IFT22: variants seen among roughly 807,000 people sequenced by gnomAD.
The protein encoded by IFT22 is intraflagellar transport protein 22 homolog.
A neutral mutation model predicts 21.0 loss-of-function variants in IFT22; 13 were observed. The observed-to-expected ratio is 0.62, with a 90% CI of 0.40 to 0.98. IFT22 has a LOEUF of 0.98. IFT22 is among the 50% of genes least tolerant of loss of function. The pLI is 0.00. For synonymous variants in IFT22, 67 were observed against 82.4 expected (o/e 0.81, Z 1.01); for missense variants, 227 against 228.9 (o/e 0.99, Z 0.06).
Position 101,313,741 on chromosome 7 carries a change from C to CA in IFT22, c.*1392dup, listed in dbSNP as rs2116912891. ...TAGTGAGTAGGCAAATTCTCAAATA[C>CA]AAAATCTATGAATAAGGATCAAGTA... On this transcript the variant is annotated 3_prime_UTR_variant, in exon 5 of 5. Coordinates refer to ENST00000315322, the MANE Select transcript of IFT22 (RefSeq NM_022777.4). 6.6e-6 allele frequency: 1 copy of CA among 152,314 alleles called. No individual in the cohort carries two copies. The highest frequency in any genetic ancestry group is 1.9e-4 in the East Asian group (1 of 5,186). 9.4% of individuals were successfully genotyped at this position (152,314 alleles called of 1,614,324 possible). A position where few individuals can be genotyped will look rare whatever the true frequency, so the allele number is the denominator to read the frequency against.
intron 1 of IFT22, 163 bp downstream of exon 1, chr7:101,321,508 A>C (rs1790347269): frequency 3.0e-6 from 2 of 661,210 alleles, no homozygotes; most frequent in Non-Finnish European, 5.1e-6. Context: ...GTCTGAAAGC[A>C]CCGAGTTCAC....
chr7:101,320,754 G>A (rs183704769), intron 1 of IFT22, among the ~76,000 whole-genome samples: 1 of 152,092 alleles, frequency 6.6e-6, no homozygotes, highest in Non-Finnish European at 1.5e-5. Context: ...TGTAATCCCA[G>A]AACTTTGAGA....
rs1335868175 is a variant in IFT22, at chr7:101,312,552, T to TC, written c.*2581_*2582insG. ...AGAGTTGTTTTTTTTTTTTTTTTTT[T>TC]TGTGACGGAGTCTCGCTATGTTGCC... On this transcript the variant is annotated 3_prime_UTR_variant, in exon 5 of 5. Coordinates refer to ENST00000315322, the MANE Select transcript of IFT22 (RefSeq NM_022777.4). Among the ~76,000 whole-genome samples the TC allele has an allele frequency of 2.7e-5, 4 of 149,052 alleles. No individual in the cohort carries two copies. The highest frequency in any genetic ancestry group is 6.7e-5 in the Admixed American group (1 of 14,900).
intron 4 of IFT22, 193 bp from the exon 5 acceptor site, chr7:101,315,475 T>C: frequency 3.3e-6 from 2 of 607,540 alleles, no homozygotes; most frequent in South Asian, 4.1e-5. Flanking sequence ...ACAAACCACT[T>C]TCCAGGTCTT....
chr7:101,317,767 A>G (rs1229107913), intron 3 of IFT22, among the ~76,000 whole-genome samples: 1 of 151,882 alleles, frequency 6.6e-6, no homozygotes, highest in Non-Finnish European at 1.5e-5. Context: ...CCCAGGCTGG[A>G]GTACAATGGT....
Position 101,314,239 on chromosome 7 carries a change from C to G in IFT22, c.*895G>C, listed in dbSNP as rs1361717707. On this transcript the variant is annotated 3_prime_UTR_variant, in exon 5 of 5. Coordinates refer to ENST00000315322, the MANE Select transcript of IFT22 (RefSeq NM_022777.4). ...TGGCGCAATCTTGGCTCACTGCAACCTCTGTCTCCCGGGCTCAAACAATTC... is the reference window on the plus strand; with the variant it reads ...TGGCGCAATCTTGGCTCACTGCAACGTCTGTCTCCCGGGCTCAAACAATTC... 1 of 151,992 alleles carries G rather than the reference C, an allele frequency of 6.6e-6. No individual in the cohort carries two copies. Among genetic ancestry groups the G allele is most frequent in the Non-Finnish European group, 1.5e-5 (1 of 68,064 alleles). The allele number at this position is 151,992 out of a possible 1,614,324, so 9.4% of individuals were successfully genotyped here.
intron 1 of IFT22, among the ~76,000 whole-genome samples, chr7:101,319,641 C>CTTTTTTTT: frequency 8.9e-6 from 1 of 111,820 alleles, no homozygotes; most frequent in Non-Finnish European, 1.7e-5. Flanking sequence ...ATACACATTG[C>CTTTTTTTT]TTTTTTTTTT....
At chr7:101,321,597 G>T in intron 1 of IFT22, 74 bp downstream of exon 1, 1 of 1,473,248 alleles carries the variant, frequency 6.8e-7, no homozygotes, top group East Asian at 2.5e-5. Flanking sequence ...CAGATCAGAC[G>T]GGTGGGGACC....
rs934461106 is a variant in IFT22 at position 101,310,989 on chromosome 7, ATTT to A, written c.*4142_*4144del. 0.011 allele frequency: 2,544 copies of A among 236,986 alleles called. No homozygotes were observed. Among genetic ancestry groups the A allele is most frequent in the South Asian group, 0.019 (493 of 25,642 alleles). The allele number at this position is 236,986 out of a possible 1,614,324, so 14.7% of individuals were successfully genotyped here. A position where few individuals can be genotyped will look rare whatever the true frequency, so the allele number is the denominator to read the frequency against. ...CAGGTGAACAAAATCTGCTGGGTTA[ATTT>A]TTTTTTTTTTTTTTTTTTTGAGATG... On this transcript the variant is annotated 3_prime_UTR_variant, in exon 5 of 5. Transcript: ENST00000315322.
At chr7:101,315,310 G>A in intron 4 of IFT22, 28 bp from the exon 5 acceptor site, 1 of 1,613,484 alleles carries the variant, frequency 6.2e-7, no homozygotes, top group South Asian at 1.1e-5. Context: ...GGTTAATTAG[G>A]CAAAGAGTTT....
At chr7:101,318,033 G>T in intron 3 of IFT22, 91 bp downstream of exon 3, 1 of 1,104,962 alleles carries the variant, frequency 9.1e-7, no homozygotes, top group Non-Finnish European at 1.4e-6. Context: ...CTCCCAAAGT[G>T]CTGGAATTAC....
intron 3 of IFT22, among the ~76,000 whole-genome samples, chr7:101,317,755 C>T (rs1790203453): frequency 6.6e-6 from 1 of 151,876 alleles, no homozygotes; most frequent in African/African-American, 2.4e-5. Context: ...CCAGCTCTGT[C>T]GCCCAGGCTG....
rs927802974 is a variant in IFT22 at position 101,321,793 on chromosome 7, A to T, written c.-84T>A. The T allele has an allele frequency of 1.8e-5, 25 of 1,376,022 alleles. No individual in the cohort carries two copies. The African/African-American group carries it at 3.9e-4, about 22-fold the overall frequency. The allele number at this position is 1,376,022 out of a possible 1,614,324, so 85.2% of individuals were successfully genotyped here. ...GCTCTACTTGGCCGCTTTCGTTTCCATGGCGACGGAGAGAGGCCCGCAGGG... is the reference window on the plus strand; with the variant it reads ...GCTCTACTTGGCCGCTTTCGTTTCCTTGGCGACGGAGAGAGGCCCGCAGGG... On this transcript the variant is annotated 5_prime_UTR_variant, in exon 1 of 5. An upstream start codon of the reference 5' UTR is lost. Coordinates refer to ENST00000315322, the MANE Select transcript of IFT22 (RefSeq NM_022777.4).
At chr7:101,316,613 A>G (rs1442792363) in intron 3 of IFT22, 71 bp from the exon 4 acceptor site, 3 of 1,493,922 alleles carry the variant, frequency 2.0e-6, no homozygotes, top group Non-Finnish European at 1.9e-6. Context: ...TTTAAAAAGA[A>G]TATCTTAGTA....
At position 101,312,530 on chromosome 7, in the gene IFT22, G is replaced by GTTTTTTT. The variant is rs776119398; in HGVS notation, c.*2603_*2604insAAAAAAA. On this transcript the variant is annotated 3_prime_UTR_variant, in exon 5 of 5. Coordinates refer to ENST00000315322, the MANE Select transcript of IFT22 (RefSeq NM_022777.4). ...AAATAAATATAATGTTTTGGAGAGA[G>GTTTTTTT]TTGTTTTTTTTTTTTTTTTTTTTGT... Among the ~76,000 whole-genome samples, 23 of 126,598 alleles carry GTTTTTTT rather than the reference G, an allele frequency of 1.8e-4. 2 individuals are homozygous for GTTTTTTT. The highest frequency in any genetic ancestry group is 3.5e-4 in the Admixed American group (4 of 11,524). The allele number at this position is 126,598 out of a possible 152,430, so 83.1% of individuals were successfully genotyped here.
intron 3 of IFT22, among the ~76,000 whole-genome samples, 169 bp from the exon 4 acceptor site, chr7:101,316,711 CAGG>C (rs1490340585): frequency 6.6e-6 from 1 of 152,086 alleles, no homozygotes; most frequent in Admixed American, 6.6e-5. Flanking sequence ...ATCACGAGGT[CAGG>C]AGATCGAGAC....
rs566488003 is a variant in IFT22, at chr7:101,314,098, C to T, written c.*1036G>A. On this transcript the variant is annotated 3_prime_UTR_variant, in exon 5 of 5. Transcript: ENST00000315322. ...TCTTGAACTCCTGGCCTCAAGTGAT[C>T]CGCCTGCCTTAGCATCCCAAAGTGC... 7 of 152,250 alleles carry T rather than the reference C, an allele frequency of 4.6e-5. No individual in the cohort carries two copies. The highest frequency in any genetic ancestry group is 1.7e-4 in the African/African-American group (7 of 41,516). 9.4% of individuals were successfully genotyped at this position (152,250 alleles called of 1,614,324 possible). A position where few individuals can be genotyped will look rare whatever the true frequency, so the allele number is the denominator to read the frequency against.
intron 1 of IFT22, among the ~76,000 whole-genome samples, chr7:101,320,079 C>T (rs1790287862): frequency 6.6e-6 from 1 of 151,404 alleles, no homozygotes; most frequent in African/African-American, 2.4e-5. Context: ...GCCTCAGACT[C>T]CCGAGTCACT....
At chr7:101,316,631 T>C in intron 3 of IFT22, 89 bp from the exon 4 acceptor site, 1 of 1,405,230 alleles carries the variant, frequency 7.1e-7, no homozygotes, top group Non-Finnish European at 9.8e-7. Context: ...GTATTAAAAG[T>C]TGGTCTATGA....
Sources: allele counts gnomAD v4.1 joint callset (sites outside exome capture counted in the v4.1 genomes callset), GRCh38; gene constraint gnomAD v4.1.1; transcripts MANE v1.5; gene names NCBI Gene and HGNC (gene_info 2026-07-23, HGNC 2026-07-21).